Variants in PDZD4 observed in about 807,000 individuals in gnomAD.
The protein encoded by PDZD4 is PDZ domain containing 4.
PDZD4 carries 9 observed loss-of-function variants against 38.5 expected under a neutral mutation model. The observed-to-expected ratio is 0.23, with a 90% confidence interval of 0.14 to 0.41. PDZD4 has a LOEUF of 0.41. Among genes scored for constraint, PDZD4 ranks in the 10% least tolerant of loss-of-function variants. PDZD4 has a pLI of 1.00. For missense variants in PDZD4, 612 were observed against 722.0 expected (o/e 0.85, Z 1.75); for synonymous variants, 349 against 315.7 (o/e 1.11, Z -1.12).
At chrX:153,817,947 T>A (rs1557080340) in intron 1 of PDZD4, among the ~76,000 whole-genome samples, 1 of 112,424 alleles carries the variant, frequency 8.9e-6, no homozygotes, top group African/African-American at 3.2e-5. Context: ...TTTCTTTATT[T>A]AAAATCATAA....
chrX:153,804,940 G>A (rs370357267), intron 7 of PDZD4, 40 bp from the exon 8 acceptor site: 13 of 1,163,701 alleles, frequency 1.1e-5, no homozygotes, highest in African/African-American at 1.8e-5. Context: ...TAGGTCCCAC[G>A]GACAGGGATG....
intron 1 of PDZD4, 199 bp downstream of exon 1, chrX:153,830,040 C>CCAA (rs1230125464): frequency 1.7e-6 from 1 of 598,915 alleles, no homozygotes; most frequent in African/African-American, 2.4e-5. Context: ...CGGGCCAACC[C>CCAA]CAACTTCCCA....
intron 2 of PDZD4, 93 bp from the exon 3 acceptor site, chrX:153,807,462 C>T (rs1033397817): frequency 3.4e-5 from 31 of 901,369 alleles, no homozygotes; most frequent in Middle Eastern, 2.9e-4. Context: ...GTGCCTGGCA[C>T]GGAGGCCTGC....
chrX:153,825,831 C>T (rs1392413811), intron 1 of PDZD4, among the ~76,000 whole-genome samples: 2 of 112,357 alleles, frequency 1.8e-5, no homozygotes. Context: ...AGCTTCTTTA[C>T]CTTTAAGATG....
chrX:153,808,443 GC>G lies in PDZD4; in HGVS notation c.212del (p.Gly71AlafsTer80). ...SCHDLQLVDS[G>X]TQTDITFEHI... is the part of the protein sequence containing the mutation. ...GCTCGAAGGTGATGTCGGTCTGAGT[GC>G]CACTGTCCACCAGCTGCAGGTCGTG... On this transcript the variant is annotated frameshift_variant, in exon 2 of 8. Transcript: ENST00000393758. LOFTEE classifies it high-confidence loss of function. The G allele has an allele frequency of 8.3e-7, 1 of 1,211,566 alleles. No individual in the cohort carries two copies. The highest frequency in any genetic ancestry group is 1.1e-6 in the Non-Finnish European group (1 of 895,567).
intron 5 of PDZD4, 151 bp from the exon 6 acceptor site, chrX:153,805,757 G>A (rs782131092): frequency 4.0e-6 from 2 of 493,828 alleles, no homozygotes; most frequent in Admixed American, 3.0e-5. Context: ...AAGGTACCAG[G>A]GAGAGGGCGG....
chrX:153,807,354 A>G lies in PDZD4; in HGVS notation c.330T>C (p.His110=). 8.3e-7 allele frequency: 1 copy of G among 1,206,673 alleles called. No individual in the cohort carries two copies. The highest frequency in any genetic ancestry group is 1.8e-5 in the South Asian group (1 of 56,168). Residue 110 remains histidine, a synonymous_variant, in exon 3 of 8, where the codon CAT becomes CAC. Transcript: ENST00000393758. ...YVLSELPPIS[H]EYYDPAEFME... is the part of the protein sequence containing the mutation. ...TAAACTCCGCCGGGTCATAATACTC[A>G]TGGCTGATTGGGGGGCTGCCCAGGA...
In PDZD4 at chrX:153,804,062, G is replaced by C; in HGVS notation, c.1619C>G (p.Pro540Arg). The change falls in exon 8 of 8, where the codon CCT becomes CGT. Residue 540 changes from proline (P) to arginine (R), a missense_variant. Coordinates refer to ENST00000393758, the MANE Select transcript of PDZD4 (RefSeq NM_001303512.2). ...CGCGTGCTGCCTCCGGCCGGCCTCA[G>C]GATCCCGGGAGAGGGACCGGAACTT... ...PAKFRSLSRD[P>R]EAGRRQHAEE... The C allele has an allele frequency of 8.6e-7, 1 of 1,158,912 alleles. No homozygotes were observed. Among genetic ancestry groups the C allele is most frequent in the South Asian group, 1.9e-5 (1 of 52,328 alleles).
At position 153,806,745 on chromosome X, in the gene PDZD4, T is replaced by C. The variant is rs1056326439; in HGVS notation, c.501A>G (p.Gly167=). 5 of 1,210,069 alleles carry C rather than the reference T, an allele frequency of 4.1e-6. No individual in the cohort carries two copies. The highest frequency in any genetic ancestry group is 3.0e-5 in the East Asian group (1 of 33,813). ...DDEEDLGIYV[G]EVNPNSIAAK... ...TGGGGCATACCCGTCTGCATACCTC[T>C]CCGACATAAATGCCCAGGTCCTCCT... The change falls in exon 4 of 8, where the codon GGA becomes GGG. Residue 167 remains glycine, a synonymous_variant. Coordinates refer to ENST00000393758, the MANE Select transcript of PDZD4 (RefSeq NM_001303512.2).
At chrX:153,807,768 G>T in intron 2 of PDZD4, 1 of 865,324 alleles carries the variant, frequency 1.2e-6, no homozygotes, top group South Asian at 2.4e-5. Flanking sequence ...CTTCTGCAGA[G>T]CAGAGGGGGG....
intron 5 of PDZD4, 92 bp from the exon 6 acceptor site, chrX:153,805,698 C>T (rs782359050): frequency 1.4e-5 from 10 of 707,339 alleles, no homozygotes; most frequent in Admixed American, 9.2e-5. Flanking sequence ...ACTCTGGGCT[C>T]GGCTGGGCTA....
At position 153,805,051 on chromosome X, in the gene PDZD4, TTC is replaced by T. The variant is rs781788880; in HGVS notation, c.780+44_780+45del. 3 of 1,169,516 alleles carry T rather than the reference TTC, an allele frequency of 2.6e-6. No homozygotes were observed. In the African/African-American group the frequency reaches 5.3e-5, roughly 21 times the overall value. ...CACAGCCTCAGCGCCTTCCACCCAG[TTC>T]TCTCCTCCTCGCCCTCCCCACCAGC... On this transcript the variant is annotated intron_variant, in intron 7 of 7. Transcript: ENST00000393758.
At chrX:153,815,535 A>C (rs1302192287) in intron 1 of PDZD4, among the ~76,000 whole-genome samples, 9 of 113,054 alleles carry the variant, frequency 8.0e-5, no homozygotes, top group African/African-American at 2.9e-4. Context: ...TGATCCAGTC[A>C]ATGTGCTCTA....
chrX:153,829,817 G>C (rs1228175762), intron 1 of PDZD4: 1 of 758,351 alleles, frequency 1.3e-6, no homozygotes, highest in Non-Finnish European at 1.6e-6. Flanking sequence ...GCCCCCGGAC[G>C]GACTTGGACC....
rs199616251 is a variant in PDZD4 at position 153,806,084 on chromosome X, T to G, written c.554A>C (p.Asp185Ala). 1 of 1,210,259 alleles carries G rather than the reference T, an allele frequency of 8.3e-7. No individual in the cohort carries two copies. Among genetic ancestry groups the G allele is most frequent in the Non-Finnish European group, 1.1e-6 (1 of 895,187 alleles). Residue 185 changes from aspartate (D) to alanine (A), a missense_variant, in exon 5 of 8, where the codon GAC becomes GCC. Around this residue, in one of 3 missense-constraint regions of PDZD4, gnomAD observed 225 missense variants for 311.0 expected, o/e 0.72. Transcript: ENST00000393758. ...AAKDGRIREG[D>A]RIIQINGVDV... ...GCAAGTGCTCACCTGGATGATGCGG[T>G]CTCCCTCACGGATCCGGCCGTCTTT...
At chrX:153,819,959 A>G in intron 1 of PDZD4, among the ~76,000 whole-genome samples, 1 of 112,064 alleles carries the variant, frequency 8.9e-6, no homozygotes, top group Non-Finnish European at 1.9e-5. Context: ...CCGTGGAACC[A>G]CAACACCCTT....
At chrX:153,829,021 G>T (rs2064511472) in intron 1 of PDZD4, among the ~76,000 whole-genome samples, 1 of 112,125 alleles carries the variant, frequency 8.9e-6, no homozygotes, top group African/African-American at 3.2e-5. Context: ...GAAGCCGAGG[G>T]CCCCGCGCAC....
intron 1 of PDZD4, among the ~76,000 whole-genome samples, chrX:153,810,255 GC>G (rs2064296532): frequency 8.9e-6 from 1 of 112,497 alleles, no homozygotes; most frequent in African/African-American, 3.2e-5. Flanking sequence ...TGCCCAAATG[GC>G]TATGCCCCGC....
chrX:153,830,183 TG>T, intron 1 of PDZD4, 55 bp downstream of exon 1: 1 of 1,117,336 alleles, frequency 8.9e-7, no homozygotes, highest in Non-Finnish European at 1.2e-6. Flanking sequence ...GCCTCCCCAC[TG>T]GCCCGCTCCT....
Sources: allele counts gnomAD v4.1 joint callset (sites outside exome capture counted in the v4.1 genomes callset), GRCh38; gene constraint gnomAD v4.1.1; regional missense constraint gnomAD v4.1.1; transcripts MANE v1.5; gene names NCBI Gene and HGNC (gene_info 2026-07-23, HGNC 2026-07-21).